The following GPC3 variants were observed in gnomAD, a reference collection of about 807,000 sequenced individuals.
The protein encoded by GPC3 is glypican 3, also known as glypican-3.
GPC3 carries 3 observed loss-of-function variants against 34.4 expected under a neutral mutation model. That is an observed-to-expected ratio of 0.09 (90% CI 0.04 to 0.23). The LOEUF is 0.23. Ranked by LOEUF, GPC3 falls within the 10% of genes least tolerant of loss-of-function variation. The pLI, the probability that GPC3 is intolerant of heterozygous loss-of-function variation, is 1.00. For synonymous variants in GPC3, 177 were observed against 174.0 expected (o/e 1.02, Z -0.13); for missense variants, 351 against 445.6 (o/e 0.79, Z 1.91).
intron 3 of GPC3, among the ~76,000 whole-genome samples, chrX:133,719,237 T>C (rs2046083295): frequency 8.9e-6 from 1 of 111,795 alleles, no homozygotes; most frequent in African/African-American, 3.3e-5. Context: ...ATACATTTTC[T>C]GACCACAATG....
At chrX:133,828,052 G>GTGCT (rs1345073880) in intron 2 of GPC3, among the ~76,000 whole-genome samples, 1 of 109,773 alleles carries the variant, frequency 9.1e-6, no homozygotes, top group African/African-American at 3.3e-5. Flanking sequence ...CTTAATTGTA[G>GTGCT]TGCTGACAGC....
At chrX:133,696,243 G>A (rs1235579028) in intron 4 of GPC3, among the ~76,000 whole-genome samples, 1 of 112,241 alleles carries the variant, frequency 8.9e-6, no homozygotes, top group African/African-American at 3.2e-5. Context: ...GTTTTCGAGG[G>A]TAGGGAAGAA....
intron 3 of GPC3, among the ~76,000 whole-genome samples, chrX:133,729,191 T>C (rs1209478426): frequency 9.0e-6 from 1 of 110,957 alleles, no homozygotes; most frequent in African/African-American, 3.3e-5. Flanking sequence ...GCTCCCAGGA[T>C]CAATGTTAGG....
chrX:133,759,732 C>T (rs1286030513), intron 2 of GPC3, among the ~76,000 whole-genome samples: 4 of 111,704 alleles, frequency 3.6e-5, no homozygotes, highest in African/African-American at 1.3e-4. Flanking sequence ...ACAGTAAAAG[C>T]ACAATCTATG....
chrX:133,651,250 C>A (rs906858689), intron 6 of GPC3, among the ~76,000 whole-genome samples: 1 of 109,028 alleles, frequency 9.2e-6, no homozygotes, highest in South Asian at 4.1e-4. Context: ...GTGGCGCGAT[C>A]TCGGCTCACT....
Position 133,983,906 on chromosome X carries a change from G to A in GPC3, c.175+1369C>T, listed in dbSNP as rs1012861312. ...CTGCAAAGCAATATTTAACATATGC[G>A]CAAATGCATTTCAGTCACCAAAAAG... On this transcript the variant is annotated intron_variant, in intron 1 of 7. Transcript: ENST00000370818. Among the ~76,000 whole-genome samples, 36 of 112,441 alleles carry A rather than the reference G, an allele frequency of 3.2e-4. No individual in the cohort carries two copies. In the Admixed American group the frequency reaches 3.3e-3, roughly 10 times the overall value.
intron 6 of GPC3, among the ~76,000 whole-genome samples, chrX:133,635,267 G>A (rs990920940): frequency 2.7e-5 from 3 of 110,826 alleles, no homozygotes; most frequent in African/African-American, 6.5e-5. Flanking sequence ...CCAACAACAC[G>A]AAAATGACAA....
At chrX:133,832,362 A>G (rs767566522) in intron 2 of GPC3, among the ~76,000 whole-genome samples, 2 of 109,594 alleles carry the variant, frequency 1.8e-5, no homozygotes, top group South Asian at 8.1e-4. Context: ...TCAGTCTAAC[A>G]CCAATCTCTG....
intron 1 of GPC3, among the ~76,000 whole-genome samples, chrX:133,962,097 A>G (rs2076444070): frequency 8.9e-6 from 1 of 112,160 alleles, no homozygotes; most frequent in African/African-American, 3.2e-5. Context: ...GGCAGAAGCC[A>G]GATGACAAGG....
chrX:133,834,902 T>C (rs963453698), intron 2 of GPC3, among the ~76,000 whole-genome samples: 7 of 111,964 alleles, frequency 6.3e-5, no homozygotes, highest in Non-Finnish European at 3.8e-5. Context: ...AATACATATT[T>C]TTCTGCTGCA....
At chrX:133,934,917 C>T (rs1423072062) in intron 2 of GPC3, among the ~76,000 whole-genome samples, 1 of 110,968 alleles carries the variant, frequency 9.0e-6, no homozygotes, top group Non-Finnish European at 1.9e-5. Context: ...AAAAATCACT[C>T]CTGGAGACAC....
intron 5 of GPC3, among the ~76,000 whole-genome samples, chrX:133,683,292 T>G (rs2070964326): frequency 8.9e-6 from 1 of 112,484 alleles, no homozygotes; most frequent in East Asian, 2.8e-4. Context: ...TCTAGTATGT[T>G]AATTTACCCA....
At chrX:133,593,330 CAAAAAAAAA>C (rs756083308) in intron 7 of GPC3, among the ~76,000 whole-genome samples, 2 of 9,894 alleles carry the variant, frequency 2.0e-4, no homozygotes, top group African/African-American at 6.9e-4. Context: ...GAGACTGTCT[CAAAAAAAAA>C]AAAAAAAAAA....
At chrX:133,546,413 TA>T (rs368392545) in intron 7 of GPC3, among the ~76,000 whole-genome samples, 5 of 107,099 alleles carry the variant, frequency 4.7e-5, no homozygotes, top group South Asian at 4.1e-4. Flanking sequence ...AAAAAAAACT[TA>T]AAAAAAAACC....
chrX:133,977,546 C>T (rs1035208917), intron 1 of GPC3, among the ~76,000 whole-genome samples: 2 of 111,754 alleles, frequency 1.8e-5, no homozygotes, highest in African/African-American at 3.3e-5. Flanking sequence ...ACCATGTTTC[C>T]ATCAGCTTCA....
At chrX:133,797,745 G>A (rs920003300) in intron 2 of GPC3, among the ~76,000 whole-genome samples, 2 of 110,444 alleles carry the variant, frequency 1.8e-5, no homozygotes, top group Admixed American at 9.7e-5. Flanking sequence ...CAGAAGAATC[G>A]CTTGAACCCA....
chrX:133,801,806 A>G (rs1413029934), intron 2 of GPC3, among the ~76,000 whole-genome samples: 1 of 112,342 alleles, frequency 8.9e-6, no homozygotes, highest in East Asian at 2.8e-4. Flanking sequence ...GAACTTCACT[A>G]ATAGGTCTCT....
intron 2 of GPC3, among the ~76,000 whole-genome samples, chrX:133,851,582 C>T (rs2075873907): frequency 2.7e-5 from 3 of 111,670 alleles, no homozygotes; most frequent in Admixed American, 9.5e-5. Context: ...CCCATTATTG[C>T]CCTAAAAATT....
At chrX:133,588,673 G>A (rs1178161356) in intron 7 of GPC3, among the ~76,000 whole-genome samples, 5 of 110,372 alleles carry the variant, frequency 4.5e-5, no homozygotes, top group Admixed American at 9.7e-5. Context: ...TATGTGTGCA[G>A]GCTTATTAGG....
Sources: allele counts gnomAD v4.1 joint callset (sites outside exome capture counted in the v4.1 genomes callset), GRCh38; gene constraint gnomAD v4.1.1; transcripts MANE v1.5; gene names NCBI Gene and HGNC (gene_info 2026-07-23, HGNC 2026-07-21).